The following GSE1 variants were observed in gnomAD, a reference collection of about 807,000 sequenced individuals.
GSE1 encodes the protein genetic suppressor element 1.
In GSE1, 32 loss-of-function variants were observed where a neutral mutation model predicts 112.6. The observed-to-expected ratio is 0.28, with a 90% CI of 0.21 to 0.38. The LOEUF is 0.38. GSE1 is among the 10% of genes least tolerant of loss of function. The pLI, the probability that GSE1 is intolerant of heterozygous loss-of-function variation, is 1.00. For missense variants in GSE1, 2,348 were observed against 1,699.2 expected (o/e 1.38, Z -6.71); for synonymous variants, 1,115 against 735.6 (o/e 1.52, Z -8.35).
intron 1 of GSE1, among the ~76,000 whole-genome samples, chr16:85,631,885 C>T (rs1336051859): frequency 6.6e-6 from 1 of 152,282 alleles, no homozygotes; most frequent in Non-Finnish European, 1.5e-5. Context: ...ACCCGCTGCG[C>T]CTCTGTGCAC....
intron 2 of GSE1, among the ~76,000 whole-genome samples, chr16:85,644,041 T>TGG: frequency 6.6e-6 from 1 of 151,690 alleles, no homozygotes; most frequent in East Asian, 1.9e-4. Flanking sequence ...TGAAGTAGGG[T>TGG]GGTGGGGCAG....
At chr16:85,257,620 G>A (rs1907222942) in intron 1 of GSE1, among the ~76,000 whole-genome samples, 1 of 152,154 alleles carries the variant, frequency 6.6e-6, no homozygotes, top group Non-Finnish European at 1.5e-5. Context: ...AACTAGCCTG[G>A]GCAACATAGT....
In GSE1 at chr16:85,264,940, G is replaced by A. The variant is rs151238391; in HGVS notation, c.2284-92523G>A. ...GCCAGGCAGGTGACTTGGCCTCTCC[G>A]TGCCTCAGTTTTCTCCTCTGAGAAA... On this transcript the variant is annotated intron_variant, in intron 1 of 2. Transcript: ENST00000637419. Among the ~76,000 whole-genome samples the A allele has an allele frequency of 2.2e-3, 334 of 152,268 alleles. 2 individuals carry two copies. The highest frequency in any genetic ancestry group is 7.0e-3 in the African/African-American group (292 of 41,548).
At chr16:85,670,212 G>A (rs1373853785) in intron 14 of GSE1, among the ~76,000 whole-genome samples, 3 of 152,216 alleles carry the variant, frequency 2.0e-5, no homozygotes, top group African/African-American at 7.2e-5. Context: ...AATCACAGAT[G>A]ATCAAACCTG....
In GSE1 at chr16:85,657,425, G is replaced by C; in HGVS notation, c.1461G>C (p.Leu487=). 1 of 1,612,730 alleles carries C rather than the reference G, an allele frequency of 6.2e-7. No homozygotes were observed. Among genetic ancestry groups the C allele is most frequent in the Non-Finnish European group, 8.5e-7 (1 of 1,179,864 alleles). Residue 487 remains leucine, a synonymous_variant, in exon 8 of 16, where the codon CTG becomes CTC. Coordinates refer to ENST00000253458, the MANE Select transcript of GSE1 (RefSeq NM_014615.5). ...GCAGCAGTGCTGCCACAGCCCTGCT[G>C]ATCCAGCGCACCAATGAGGAGGAGA... The part of the protein sequence containing the change: ...LPSSSAATAL[L]IQRTNEEEKW...
chr16:85,613,445 C>G, intron 1 of GSE1, 47 bp downstream of exon 1: 1 of 1,494,650 alleles, frequency 6.7e-7, no homozygotes, highest in Non-Finnish European at 9.1e-7. Flanking sequence ...CCCCCTCCCC[C>G]CACCGCACTG....
At chr16:85,544,552 T>G (rs2044631644) in intron 2 of GSE1, among the ~76,000 whole-genome samples, 1 of 152,148 alleles carries the variant, frequency 6.6e-6, no homozygotes, top group South Asian at 2.1e-4. Context: ...GGCATCCCAC[T>G]CTGGTCTGTC....
At position 85,661,297 on chromosome 16, in the gene GSE1, C is replaced by G. The variant is rs150474400; in HGVS notation, c.1792C>G (p.Arg598Gly). The G allele has an allele frequency of 2.5e-6, 4 of 1,612,822 alleles. No individual in the cohort carries two copies. The highest frequency in any genetic ancestry group is 1.3e-5 in the African/African-American group (1 of 75,036). The change falls in exon 9 of 16, where the codon CGG becomes GGG. Residue 598 changes from arginine (R) to glycine (G), a missense_variant. By Grantham distance (125) the Arg-to-Gly change is moderately radical. Coordinates refer to ENST00000253458, the MANE Select transcript of GSE1 (RefSeq NM_014615.5). ...CCTGATGGACAACACCTTGGAGACG[C>G]GGCGGGCCGAAAGCCACTCTCTGCA... Reference protein sequence around the residue: ...VSLMDNTLETRRAESHSLHSH... With the variant: ...VSLMDNTLETGRAESHSLHSH...
chr16:85,303,492 C>T (rs1406052913), intron 1 of GSE1, among the ~76,000 whole-genome samples: 1 of 152,274 alleles, frequency 6.6e-6, no homozygotes, highest in Non-Finnish European at 1.5e-5. Flanking sequence ...CTGTCCGCCG[C>T]TTGCTGAGCG....
At chr16:85,483,697 CTTAA>C (rs1356063939) in intron 2 of GSE1, among the ~76,000 whole-genome samples, 1 of 152,270 alleles carries the variant, frequency 6.6e-6, no homozygotes, top group Non-Finnish European at 1.5e-5. Context: ...AAAGCGTTTG[CTTAA>C]TTAATTGACT....
At chr16:85,295,559 C>T (rs1189123500) in intron 1 of GSE1, among the ~76,000 whole-genome samples, 3 of 152,088 alleles carry the variant, frequency 2.0e-5, no homozygotes, top group African/African-American at 7.2e-5. Flanking sequence ...TATGACTTAG[C>T]CGTGGAAGTT....
chr16:85,622,924 G>C (rs2151644950), intron 1 of GSE1, among the ~76,000 whole-genome samples: 1 of 152,330 alleles, frequency 6.6e-6, no homozygotes, highest in African/African-American at 2.4e-5. Context: ...TGTACTTGGA[G>C]AATTGGGAAG....
chr16:85,466,626 C>G (rs2050128753), intron 2 of GSE1, among the ~76,000 whole-genome samples: 1 of 151,564 alleles, frequency 6.6e-6, no homozygotes, highest in Non-Finnish European at 1.5e-5. Flanking sequence ...ATCATTTGTG[C>G]TTTTGTCTTC....
intron 1 of GSE1, among the ~76,000 whole-genome samples, chr16:85,326,315 T>A (rs1198184856): frequency 6.6e-6 from 1 of 152,214 alleles, no homozygotes; most frequent in Non-Finnish European, 1.5e-5. Context: ...GTGAGTTAAT[T>A]AACATGTCTG....
chr16:85,462,706 A>AGGGAGGCGGGAGGC (rs368990086), intron 2 of GSE1, among the ~76,000 whole-genome samples: 10 of 89,336 alleles, frequency 1.1e-4, no homozygotes, highest in Non-Finnish European at 1.9e-4. Flanking sequence ...GCGGCGCGGG[A>AGGGAGGCGGGAGGC]GGGAGGCGGG....
intron 2 of GSE1, among the ~76,000 whole-genome samples, chr16:85,527,346 C>T (rs895344905): frequency 1.8e-4 from 27 of 152,224 alleles, no homozygotes; most frequent in African/African-American, 6.3e-4. Context: ...GGAGGGAAGC[C>T]GAAAGGACCA....
chr16:85,346,982 G>A (rs1253872262), intron 1 of GSE1, among the ~76,000 whole-genome samples: 3 of 152,152 alleles, frequency 2.0e-5, no homozygotes, highest in African/African-American at 7.2e-5. Context: ...ACAGAAATGT[G>A]GATGCAAAGC....
intron 1 of GSE1, among the ~76,000 whole-genome samples, chr16:85,274,184 G>C (rs1909132309): frequency 6.7e-6 from 1 of 149,444 alleles, no homozygotes; most frequent in African/African-American, 2.5e-5. Context: ...AGGAGTTCGA[G>C]ACCAGCCTGA....
At chr16:85,575,477 C>T (rs996624222) in intron 1 of GSE1, among the ~76,000 whole-genome samples, 6 of 150,560 alleles carry the variant, frequency 4.0e-5, no homozygotes, top group Non-Finnish European at 9.0e-5. Context: ...GCTTCCCTCT[C>T]GTCTCCCCTC....
Sources: allele counts gnomAD v4.1 joint callset (sites outside exome capture counted in the v4.1 genomes callset), GRCh38; gene constraint gnomAD v4.1.1; transcripts MANE v1.5; gene names NCBI Gene and HGNC (gene_info 2026-07-23, HGNC 2026-07-21).